The following TCF20 variants were observed in gnomAD, a reference collection of about 807,000 sequenced individuals.
TCF20 encodes the protein SPRE-binding protein.
TCF20 carries 3 observed loss-of-function variants against 148.6 expected under a neutral mutation model. The ratio of observed to expected loss-of-function variants is 0.02; its 90% CI spans 0.01 to 0.05. The LOEUF (loss-of-function observed/expected upper bound fraction) is 0.05, where lower values mean the gene tolerates loss of function less well. Ranked by LOEUF, TCF20 falls within the 10% of genes least tolerant of loss-of-function variation. The pLI is 1.00. For missense variants in TCF20, 2,350 were observed against 2,429.3 expected, an observed-to-expected ratio of 0.97 and a Z score of 0.69; for synonymous variants, 1,049 against 909.5, an observed-to-expected ratio of 1.15 and a Z score of -2.76.
rs961201879 is a variant in TCF20, at chr22:42,240,064, T to C, written c.-36-24723A>G. 3.7e-4 allele frequency among the ~76,000 whole-genome samples: 57 copies of C among 152,244 alleles called. 1 individual carries two copies. The highest frequency in any genetic ancestry group is 2.8e-4 in the Non-Finnish European group (19 of 68,042). ...GTAATAATAATAGCTAAAATTTATC[T>C]AATCATTACTGTAAGTCTGGCAATG... On this transcript the variant is annotated intron_variant, in intron 1 of 5. Transcript: ENST00000677622.
At chr22:42,204,905 T>TA (rs68144263) in intron 2 of TCF20, among the ~76,000 whole-genome samples, 3,413 of 146,534 alleles carry the variant, frequency 0.023, 130 homozygotes, top group African/African-American at 0.079. Context: ...TACTGTCAGG[T>TA]AAAAAAAAAA....
chr22:42,268,785 C>A (rs1191536158), intron 1 of TCF20, among the ~76,000 whole-genome samples: 2 of 152,204 alleles, frequency 1.3e-5, no homozygotes, highest in African/African-American at 4.8e-5. Flanking sequence ...AATACACTTT[C>A]TGATCTGAAG....
chr22:42,176,394 A>C (rs545691273), intron 3 of TCF20, among the ~76,000 whole-genome samples: 3 of 152,320 alleles, frequency 2.0e-5, no homozygotes, highest in African/African-American at 7.2e-5. Flanking sequence ...GGGCAGGATG[A>C]ATTCTGAGAC....
Position 42,210,002 on chromosome 22 carries a change from T to TTCC in TCF20, c.5301_5303dup (p.Glu1769dup), listed in dbSNP as rs775138977. 8 of 1,613,052 alleles carry TTCC rather than the reference T, an allele frequency of 5.0e-6. No homozygotes were observed. The highest frequency in any genetic ancestry group is 2.7e-5 in the African/African-American group (2 of 75,062). On this transcript the variant is annotated inframe_insertion, in exon 2 of 6. Coordinates refer to ENST00000677622, the MANE Select transcript of TCF20 (RefSeq NM_001378418.1). This position sits in a 1 kb window ranked among gnomAD's most constrained non-coding sequence, Gnocchi z 4.7. ...GCTCCTTCTGCTGCTGCTGCTGCTC[T>TTCC]TCCTCCTCCTCAGTGTCCGTCTTGG...
intron 1 of TCF20, among the ~76,000 whole-genome samples, chr22:42,334,919 G>A (rs1053140692): frequency 3.9e-5 from 6 of 152,146 alleles, no homozygotes; most frequent in East Asian, 1.9e-4. Flanking sequence ...AGCAATGGAT[G>A]GATCTAGCAG....
intron 1 of TCF20, among the ~76,000 whole-genome samples, chr22:42,327,583 G>C (rs1927897126): frequency 6.6e-6 from 1 of 152,028 alleles, no homozygotes; most frequent in Non-Finnish European, 1.5e-5. Flanking sequence ...CCCACAATAA[G>C]TCCTCACATG....
intron 2 of TCF20, among the ~76,000 whole-genome samples, chr22:42,204,971 G>C (rs1938290349): frequency 6.6e-6 from 1 of 152,148 alleles, no homozygotes; most frequent in African/African-American, 2.4e-5. Context: ...CCTTCTATGA[G>C]AGGGGAACAA....
intron 1 of TCF20, among the ~76,000 whole-genome samples, chr22:42,265,320 C>A (rs1401501899): frequency 1.1e-4 from 16 of 152,092 alleles, no homozygotes; most frequent in Admixed American, 1.0e-3. Context: ...TCTTTTTCTT[C>A]TTTTTTTGGA....
intron 1 of TCF20, among the ~76,000 whole-genome samples, chr22:42,294,953 C>T (rs924951293): frequency 7.9e-5 from 12 of 152,176 alleles, no homozygotes; most frequent in African/African-American, 1.7e-4. Context: ...GACATGCTGG[C>T]GCTGGCAGGA....
At chr22:42,217,759 G>A (rs1242713058) in intron 1 of TCF20, among the ~76,000 whole-genome samples, 2 of 152,160 alleles carry the variant, frequency 1.3e-5, no homozygotes, top group South Asian at 2.1e-4. Context: ...CCATGAGTCC[G>A]GTTCTAAGGG....
At chr22:42,192,326 C>A (rs1937374998) in intron 2 of TCF20, among the ~76,000 whole-genome samples, 1 of 152,226 alleles carries the variant, frequency 6.6e-6, no homozygotes, top group Non-Finnish European at 1.5e-5. Context: ...ATCTCCAAAG[C>A]TGTTCCAAAC....
intron 2 of TCF20, among the ~76,000 whole-genome samples, chr22:42,197,738 A>G (rs1050625018): frequency 2.6e-5 from 4 of 152,264 alleles, no homozygotes; most frequent in African/African-American, 9.6e-5. Context: ...AGAAATAGGT[A>G]CAGAAAAACA....
chr22:42,247,164 A>G (rs1404322985), intron 1 of TCF20, among the ~76,000 whole-genome samples: 1 of 151,148 alleles, frequency 6.6e-6, no homozygotes, highest in Non-Finnish European at 1.5e-5. Context: ...AACAGGCTGC[A>G]CGCGGTGGCT....
chr22:42,187,243 T>G (rs111693181), intron 2 of TCF20, among the ~76,000 whole-genome samples: 12 of 152,282 alleles, frequency 7.9e-5, no homozygotes, highest in African/African-American at 2.6e-4. Flanking sequence ...TGGGACCCAG[T>G]CATCTGCTTC....
chr22:42,275,184 A>C (rs1015959919), upstream of TCF20: 11 of 152,300 alleles, frequency 7.2e-5, no homozygotes, highest in Admixed American at 7.2e-4. Flanking sequence ...CGATAGGGAA[A>C]GAATGTAAGA....
intron 1 of TCF20, among the ~76,000 whole-genome samples, chr22:42,248,057 AG>A (rs1281204244): frequency 1.3e-5 from 2 of 152,186 alleles, no homozygotes; most frequent in Non-Finnish European, 2.9e-5. Context: ...ACAGGGATGG[AG>A]TAGGCAAAGT....
intron 2 of TCF20, among the ~76,000 whole-genome samples, chr22:42,182,978 C>A (rs1366407634): frequency 6.6e-6 from 1 of 152,210 alleles, no homozygotes; most frequent in Non-Finnish European, 1.5e-5. Flanking sequence ...CTCAAGTGAT[C>A]CACCTGCCTT....
upstream of TCF20, among the ~76,000 whole-genome samples, chr22:42,272,451 T>C (rs1000952460): frequency 6.6e-6 from 1 of 152,226 alleles, no homozygotes; most frequent in African/African-American, 2.4e-5. Flanking sequence ...CATTCTTCCA[T>C]TCTTTCCCTT....
intron 1 of TCF20, among the ~76,000 whole-genome samples, chr22:42,228,093 G>C (rs184858048): frequency 1.6e-3 from 237 of 152,320 alleles, no homozygotes; most frequent in Non-Finnish European, 1.8e-3. Flanking sequence ...ACTATAGAGT[G>C]GCATGATCTG....
Sources: gnomAD v4.1 joint callset for allele counts (sites outside exome capture counted in the v4.1 genomes callset) on GRCh38, gnomAD v4.1.1 for gene constraint, Gnocchi (gnomAD v3.1) non-coding constraint, MANE v1.5 for transcripts, NCBI Gene and HGNC (gene_info 2026-07-23, HGNC 2026-07-21) for gene names.